HECW1: variants seen among roughly 807,000 people sequenced by gnomAD.
HECW1 encodes E3 ubiquitin-protein ligase HECW1.
In HECW1, 61 loss-of-function variants were observed where a neutral mutation model predicts 182.3. The observed-to-expected ratio is 0.33, with a 90% CI of 0.27 to 0.41. The LOEUF (loss-of-function observed/expected upper bound fraction) is 0.41. Among genes scored for constraint, HECW1 ranks in the 10% least tolerant of loss-of-function variants. The probability of loss-of-function intolerance (pLI) is 1.00; values close to 1 mark genes in which losing one functional copy is unlikely to be tolerated. For missense variants in HECW1, 1,739 were observed against 2,108.9 expected (o/e 0.82, Z 3.44); for synonymous variants, 859 against 832.6 (o/e 1.03, Z -0.55).
chr7:43,179,519 C>A (rs1168980256), intron 2 of HECW1, among the ~76,000 whole-genome samples: 1 of 151,846 alleles, frequency 6.6e-6, no homozygotes, highest in African/African-American at 2.4e-5. Context: ...AAAGAAATAC[C>A]ATTGGTTATT....
chr7:43,117,817 A>G (rs1249920952), intron 2 of HECW1: 3 of 152,320 alleles, frequency 2.0e-5, no homozygotes, highest in Non-Finnish European at 4.4e-5. Flanking sequence ...CTGGCAACAT[A>G]TGACAAAGAT....
chr7:43,339,935 C>T (rs1253615461), intron 5 of HECW1, among the ~76,000 whole-genome samples: 6 of 151,818 alleles, frequency 4.0e-5, no homozygotes, highest in African/African-American at 1.5e-4. Context: ...AGTCTTTTGC[C>T]CTCAAAGCTT....
At chr7:43,170,265 C>T (rs1791550441) in intron 2 of HECW1, among the ~76,000 whole-genome samples, 1 of 152,070 alleles carries the variant, frequency 6.6e-6, no homozygotes, top group Non-Finnish European at 1.5e-5. Flanking sequence ...ATAATATATA[C>T]ATGTATATAC....
intron 2 of HECW1, among the ~76,000 whole-genome samples, chr7:43,230,262 C>T (rs1177919124): frequency 2.6e-5 from 4 of 152,084 alleles, no homozygotes; most frequent in African/African-American, 4.8e-5. Flanking sequence ...GGCATGGTGG[C>T]GGGTACCTAT....
chr7:43,315,093 A>G (rs568719013), intron 4 of HECW1, among the ~76,000 whole-genome samples: 1 of 152,342 alleles, frequency 6.6e-6, no homozygotes, highest in East Asian at 1.9e-4. Flanking sequence ...TAGGACTTCT[A>G]GAGCTCTCAA....
intron 13 of HECW1, among the ~76,000 whole-genome samples, chr7:43,458,763 C>A (rs929493897): frequency 6.6e-6 from 1 of 152,130 alleles, no homozygotes; most frequent in African/African-American, 2.4e-5. Flanking sequence ...ATCTCACATG[C>A]GACCACACAG....
intron 5 of HECW1, among the ~76,000 whole-genome samples, chr7:43,336,641 C>T (rs1360851453): frequency 6.6e-6 from 1 of 152,094 alleles, no homozygotes; most frequent in African/African-American, 2.4e-5. Context: ...TTCTAATCTA[C>T]CCATCACCCA....
chr7:43,512,856 C>T lies in HECW1; in HGVS notation c.4019+3735C>T, dbSNP rs139188479. ...GATTAAACATCACTCAGGATTGACA[C>T]GGTACTCAGCTGTGGCTGGAGGCAG... On this transcript the variant is annotated intron_variant, in intron 24 of 29. Coordinates refer to ENST00000395891, the MANE Select transcript of HECW1 (RefSeq NM_015052.5). Among the ~76,000 whole-genome samples the T allele has an allele frequency of 3.9e-3, 589 of 152,310 alleles. 2 individuals carry two copies. The highest frequency in any genetic ancestry group is 0.013 in the African/African-American group (555 of 41,558).
At chr7:43,148,628 T>G (rs1378820366) in intron 2 of HECW1, 1 of 151,952 alleles carries the variant, frequency 6.6e-6, no homozygotes, top group East Asian at 1.9e-4. Context: ...CTGTACTCTT[T>G]GGATTTCTCT....
intron 6 of HECW1, among the ~76,000 whole-genome samples, chr7:43,377,497 G>A (rs547816250): frequency 2.0e-5 from 3 of 152,092 alleles, no homozygotes; most frequent in Admixed American, 6.5e-5. Flanking sequence ...TCTAAACTAG[G>A]TGAAAGTGTC....
chr7:43,482,531 A>T (rs1406105795), intron 17 of HECW1, among the ~76,000 whole-genome samples: 2 of 152,224 alleles, frequency 1.3e-5, no homozygotes, highest in Non-Finnish European at 2.9e-5. Flanking sequence ...GAGAGAAATC[A>T]GAATATGGTT....
chr7:43,543,718 A>G (rs1283686945), intron 26 of HECW1, among the ~76,000 whole-genome samples: 1 of 151,314 alleles, frequency 6.6e-6, no homozygotes, highest in African/African-American at 2.4e-5. Flanking sequence ...GGCAGCAGTT[A>G]CAGTGAGCCG....
chr7:43,255,748 A>G (rs1446019977), intron 3 of HECW1, among the ~76,000 whole-genome samples: 1 of 152,152 alleles, frequency 6.6e-6, no homozygotes, highest in Non-Finnish European at 1.5e-5. Context: ...GCTTATTAAC[A>G]GGACTCCAGT....
In HECW1 at chr7:43,412,968, C is replaced by T. The variant is rs1028279984; in HGVS notation, c.801+5237C>T. On this transcript the variant is annotated intron_variant, in intron 8 of 29. Transcript: ENST00000395891. ...ATTTATACTCATTTGGGTATATACC[C>T]AGTAATGGGATGGCTGGGTCAAATG... Among the ~76,000 whole-genome samples, 9 of 147,932 alleles carry T rather than the reference C, an allele frequency of 6.1e-5. No homozygotes were observed. The South Asian group carries it at 1.1e-3, about 18-fold the overall frequency.
intron 3 of HECW1, among the ~76,000 whole-genome samples, chr7:43,258,367 A>T (rs369263189): frequency 4.1e-4 from 26 of 63,452 alleles, no homozygotes; most frequent in African/African-American, 2.5e-3. Flanking sequence ...TAAAAAAAAT[A>T]AAAAAATAAA....
intron 3 of HECW1, among the ~76,000 whole-genome samples, chr7:43,299,829 G>C (rs1229922421): frequency 6.6e-6 from 1 of 152,204 alleles, no homozygotes; most frequent in Non-Finnish European, 1.5e-5. Context: ...TGTCAGAGCT[G>C]AGTATCAAAT....
intron 2 of HECW1, among the ~76,000 whole-genome samples, chr7:43,171,526 C>T (rs1019793920): frequency 6.6e-6 from 1 of 152,130 alleles, no homozygotes; most frequent in Non-Finnish European, 1.5e-5. Flanking sequence ...AAGGACAATG[C>T]TCAGGAGCTC....
At chr7:43,457,321 T>G (rs1461622268) in intron 13 of HECW1, among the ~76,000 whole-genome samples, 1 of 152,164 alleles carries the variant, frequency 6.6e-6, no homozygotes, top group Non-Finnish European at 1.5e-5. Flanking sequence ...CTTGCTTTCA[T>G]GTCAAGTATG....
chr7:43,512,097 G>A, intron 24 of HECW1: 1 of 222,496 alleles, frequency 4.5e-6, no homozygotes, highest in Non-Finnish European at 9.0e-6. Flanking sequence ...CACCTTCTGA[G>A]GGAGTTCATC....
Sources: gnomAD v4.1 joint callset for allele counts (sites outside exome capture counted in the v4.1 genomes callset) on GRCh38, gnomAD v4.1.1 for gene constraint, MANE v1.5 for transcripts, NCBI Gene and HGNC (gene_info 2026-07-23, HGNC 2026-07-21) for gene names.